Variants in TADA2B observed in about 807,000 individuals in gnomAD.
TADA2B encodes the protein transcriptional adapter 2-beta.
A neutral mutation model predicts 34.5 loss-of-function variants in TADA2B; 13 were observed. That is an observed-to-expected ratio of 0.38 (90% CI 0.25 to 0.60). TADA2B has a LOEUF of 0.60. Ranked by LOEUF, TADA2B falls within the 20% of genes least tolerant of loss-of-function variation. The pLI, the probability that TADA2B is intolerant of heterozygous loss-of-function variation, is 0.65. For synonymous variants in TADA2B, 240 were observed against 243.4 expected (o/e 0.99, Z 0.13); for missense variants, 442 against 575.0 (o/e 0.77, Z 2.37).
At position 7,056,021 on chromosome 4, in the gene TADA2B, A is replaced by G. The variant is rs1228642102; in HGVS notation, c.*967A>G. The G allele has an allele frequency of 6.6e-6, 1 of 152,290 alleles. No individual in the cohort carries two copies. Among genetic ancestry groups the G allele is most frequent in the South Asian group, 2.1e-4 (1 of 4,828 alleles). The allele number at this position is 152,290 out of a possible 1,614,324, so 9.4% of individuals were successfully genotyped here. ...TTCCTCAGGATTTTCTTCAGTTGCA[A>G]GTACCTTTCCACTGAAAATATGAGC... On this transcript the variant is annotated 3_prime_UTR_variant, in exon 2 of 2. Transcript: ENST00000310074.
intron 1 of TADA2B, among the ~76,000 whole-genome samples, chr4:7,052,182 G>T (rs1010470002): frequency 1.8e-4 from 28 of 152,280 alleles, no homozygotes; most frequent in Admixed American, 1.6e-3. Context: ...AGAAGCTGGT[G>T]TCGAGGGCTG....
chr4:7,057,399 G>C lies in TADA2B; in HGVS notation c.*2345G>C, dbSNP rs1304857841. On this transcript the variant is annotated 3_prime_UTR_variant, in exon 2 of 2. Transcript: ENST00000310074. The stretch of plus-strand genomic sequence containing the variant: ...TTAGCCCATCGACTATTCCCGTCAC[G>C]GTAGTCCTTACCTCTGTCGGCAGCT... 3 of 152,228 alleles carry C rather than the reference G, an allele frequency of 2.0e-5. No individual in the cohort carries two copies. Among genetic ancestry groups the C allele is most frequent in the African/African-American group, 7.2e-5 (3 of 41,456 alleles). The allele number at this position is 152,228 out of a possible 1,614,324, so 9.4% of individuals were successfully genotyped here. A position where few individuals can be genotyped will look rare whatever the true frequency, so the allele number is the denominator to read the frequency against.
chr4:7,044,983 A>C (rs1453192222), intron 1 of TADA2B: 4 of 152,140 alleles, frequency 2.6e-5, no homozygotes, highest in Non-Finnish European at 5.9e-5. Context: ...CCCTTACCTA[A>C]TGGCCACCAG....
chr4:7,045,080 G>C (rs7690361), intron 1 of TADA2B: 1 of 152,256 alleles, frequency 6.6e-6, no homozygotes, highest in African/African-American at 2.4e-5. Context: ...TGTTCTGTGC[G>C]GATTCTACAG....
At position 7,055,967 on chromosome 4, in the gene TADA2B, G is replaced by A. The variant is rs549082469; in HGVS notation, c.*913G>A. On this transcript the variant is annotated 3_prime_UTR_variant, in exon 2 of 2. Coordinates refer to ENST00000310074, the MANE Select transcript of TADA2B (RefSeq NM_152293.3). ...GAAGAACCCATTGTACAAAGTTCAA[G>A]GCTAAGAGTTCTGAATTCTGGCGTC... 3.9e-5 allele frequency: 6 copies of A among 152,396 alleles called. No individual in the cohort carries two copies. The highest frequency in any genetic ancestry group is 1.4e-4 in the African/African-American group (6 of 41,590). The allele number at this position is 152,396 out of a possible 1,614,324, so 9.4% of individuals were successfully genotyped here. A position where few individuals can be genotyped will look rare whatever the true frequency, so the allele number is the denominator to read the frequency against.
At chr4:7,048,229 G>A (rs886296136) in intron 1 of TADA2B, among the ~76,000 whole-genome samples, 3 of 152,188 alleles carry the variant, frequency 2.0e-5, no homozygotes, top group African/African-American at 2.4e-5. Flanking sequence ...CTTCCCCGCC[G>A]GGGCAGGAGC....
Position 7,056,757 on chromosome 4 carries a change from T to TC in TADA2B, c.*1705dup, listed in dbSNP as rs1338599041. The TC allele has an allele frequency of 6.6e-6, 1 of 152,232 alleles. No homozygotes were observed. The highest frequency in any genetic ancestry group is 1.5e-5 in the Non-Finnish European group (1 of 68,040). The allele number at this position is 152,232 out of a possible 1,614,324, so 9.4% of individuals were successfully genotyped here. On this transcript the variant is annotated 3_prime_UTR_variant, in exon 2 of 2. Coordinates refer to ENST00000310074, the MANE Select transcript of TADA2B (RefSeq NM_152293.3). ...GAGCAGTGGTATCATGAGGGCCACC[T>TC]CCACATTGTCCCCTGCAGAATAAAT...
Position 7,057,591 on chromosome 4 carries a change from A to T in TADA2B, c.*2537A>T, listed in dbSNP as rs1428239040. The T allele has an allele frequency of 1.3e-5, 2 of 152,276 alleles. No individual in the cohort carries two copies. The highest frequency in any genetic ancestry group is 2.4e-5 in the African/African-American group (1 of 41,458). The allele number at this position is 152,276 out of a possible 1,614,324, so 9.4% of individuals were successfully genotyped here. A position where few individuals can be genotyped will look rare whatever the true frequency, so the allele number is the denominator to read the frequency against. On this transcript the variant is annotated 3_prime_UTR_variant, in exon 2 of 2. Transcript: ENST00000310074. ...ATCACGAGGTCAAGAGATCGAGACCATCCTGGCCAACATGGTGAAACCCTG... is the reference window on the plus strand; with the variant it reads ...ATCACGAGGTCAAGAGATCGAGACCTTCCTGGCCAACATGGTGAAACCCTG...
intron 1 of TADA2B, among the ~76,000 whole-genome samples, chr4:7,050,886 G>A (rs930729367): frequency 2.6e-5 from 4 of 152,158 alleles, no homozygotes; most frequent in African/African-American, 9.7e-5. Flanking sequence ...GCGTGGCGAC[G>A]GGTGTATGCT....
intron 1 of TADA2B, among the ~76,000 whole-genome samples, chr4:7,050,686 C>T (rs114804858): frequency 0.014 from 2,125 of 152,294 alleles, 22 homozygotes; most frequent in Non-Finnish European, 0.021. Context: ...CGACGCCGGG[C>T]GCAAAGGCCT....
At position 7,048,482 on chromosome 4, in the gene TADA2B, C is replaced by T. The variant is rs1055122378; in HGVS notation, c.270+4633C>T. Among the ~76,000 whole-genome samples the T allele has an allele frequency of 5.3e-5, 8 of 152,192 alleles. No homozygotes were observed. The East Asian group carries it at 7.7e-4, about 15-fold the overall frequency. On this transcript the variant is annotated intron_variant, in intron 1 of 1. Coordinates refer to ENST00000310074, the MANE Select transcript of TADA2B (RefSeq NM_152293.3). ...TCCTAGGTGCTGCTGATGCGGCCGC[C>T]GTGGGACCCCACTTTAAGAACCACT...
At chr4:7,052,719 G>C (rs1421567094) in intron 1 of TADA2B, 1 of 145,458 alleles carries the variant, frequency 6.9e-6, no homozygotes, top group Non-Finnish European at 1.5e-5. Flanking sequence ...TGCTTCCTGG[G>C]GAAATAAAAT....
rs1391992184 is a variant in TADA2B, at chr4:7,043,479, C to T, written c.-101C>T. 2.9e-6 allele frequency: 2 copies of T among 683,340 alleles called. No homozygotes were observed. The highest frequency in any genetic ancestry group is 3.6e-6 in the Non-Finnish European group (2 of 561,010). 42.3% of individuals were successfully genotyped at this position (683,340 alleles called of 1,614,324 possible). A position where few individuals can be genotyped will look rare whatever the true frequency, so the allele number is the denominator to read the frequency against. ...GCCGCGGCGGCGGGCGGCGGTTGCT[C>T]GTGCGCGGCGGCGGCGGCGGGTCCC... On this transcript the variant is annotated 5_prime_UTR_variant, in exon 1 of 2. Coordinates refer to ENST00000310074, the MANE Select transcript of TADA2B (RefSeq NM_152293.3).
At chr4:7,053,116 C>G (rs1309383763) in intron 1 of TADA2B, 3 of 152,466 alleles carry the variant, frequency 2.0e-5, no homozygotes, top group Admixed American at 2.0e-4. Flanking sequence ...CCCAGGCGGG[C>G]AGAGGCAGGT....
intron 1 of TADA2B, among the ~76,000 whole-genome samples, chr4:7,051,436 C>T (rs1352472931): frequency 3.9e-5 from 6 of 152,066 alleles, no homozygotes; most frequent in African/African-American, 1.4e-4. Context: ...CTGACAGGTG[C>T]GAGGCAGGAG....
intron 1 of TADA2B, among the ~76,000 whole-genome samples, chr4:7,049,488 A>G (rs938287435): frequency 2.6e-5 from 4 of 152,240 alleles, no homozygotes; most frequent in African/African-American, 9.6e-5. Context: ...AGGGCCAATG[A>G]CAACTCTAAG....
chr4:7,046,493 G>T (rs1378767617), intron 1 of TADA2B, among the ~76,000 whole-genome samples: 1 of 152,234 alleles, frequency 6.6e-6, no homozygotes, highest in African/African-American at 2.4e-5. Context: ...GGGATTCCAT[G>T]GCATTCATGT....
intron 1 of TADA2B, chr4:7,053,830 T>C: frequency 2.0e-6 from 1 of 508,496 alleles, no homozygotes; most frequent in African/African-American, 1.9e-5. Context: ...CCTCTCTGGG[T>C]CTTCACTTTC....
chr4:7,056,917 T>C lies in TADA2B; in HGVS notation c.*1863T>C, dbSNP rs2108788132. Reference sequence around the variant, plus strand: ...AGCAGCAGCAACTTGTTTGTTAGAATGCAGACGCGCAGGCCCCACCTGGCC... The same window carrying C: ...AGCAGCAGCAACTTGTTTGTTAGAACGCAGACGCGCAGGCCCCACCTGGCC... On this transcript the variant is annotated 3_prime_UTR_variant, in exon 2 of 2. Transcript: ENST00000310074. 1 of 152,336 alleles carries C rather than the reference T, an allele frequency of 6.6e-6. No homozygotes were observed. Among genetic ancestry groups the C allele is most frequent in the South Asian group, 2.1e-4 (1 of 4,824 alleles). The allele number at this position is 152,336 out of a possible 1,614,324, so 9.4% of individuals were successfully genotyped here.
Sources: allele counts gnomAD v4.1 joint callset (sites outside exome capture counted in the v4.1 genomes callset), GRCh38; gene constraint gnomAD v4.1.1; transcripts MANE v1.5; gene names NCBI Gene and HGNC (gene_info 2026-07-23, HGNC 2026-07-21).